The following RET variants were observed in gnomAD, a reference collection of about 807,000 sequenced individuals.
RET encodes the protein ret proto-oncogene, also known as proto-oncogene tyrosine-protein kinase receptor Ret.
Under a neutral mutation model 118.3 loss-of-function variants are expected in RET, and 19 were observed. The ratio of observed to expected loss-of-function variants is 0.16; its 90% CI spans 0.11 to 0.24. The LOEUF is 0.24. Ranked by LOEUF, RET falls within the 10% of genes least tolerant of loss-of-function variation. The pLI, the probability that RET is intolerant of heterozygous loss-of-function variation, is 1.00. For missense variants in RET, 1,219 were observed against 1,502.1 expected, an observed-to-expected ratio of 0.81 and a Z score of 3.12; for synonymous variants, 597 against 644.1, an observed-to-expected ratio of 0.93 and a Z score of 1.11.
At position 43,106,346 on chromosome 10, in the gene RET, G is replaced by A; in HGVS notation, c.868-30G>A. 3.1e-6 allele frequency: 5 copies of A among 1,602,574 alleles called. No individual in the cohort carries two copies. ...GGGGTCTGAGGGGCCCATCTCGCCT[G>A]CACTGACCAACGCCCTCTGCATCCT... On this transcript the variant is annotated intron_variant, in intron 4 of 19. Transcript: ENST00000355710. This position sits in a 1 kb window ranked among gnomAD's most constrained non-coding sequence, Gnocchi z 5.1.
chr10:43,126,353 GACA>G (rs1346408232), intron 18 of RET, among the ~76,000 whole-genome samples: 2 of 152,204 alleles, frequency 1.3e-5, no homozygotes, highest in Non-Finnish European at 1.5e-5. Context: ...AGACAGAATA[GACA>G]ACACCCAGGG....
chr10:43,093,228 G>T (rs750790408), intron 1 of RET, among the ~76,000 whole-genome samples: 18 of 152,060 alleles, frequency 1.2e-4, no homozygotes, highest in Non-Finnish European at 1.6e-4. Context: ...TCCACAGAGG[G>T]TGCCATGATT....
Position 43,111,242 on chromosome 10 carries a change from C to T in RET, c.1299C>T (p.Phe433=). 1 of 1,614,136 alleles carries T rather than the reference C, an allele frequency of 6.2e-7. No homozygotes were observed. The highest frequency in any genetic ancestry group is 8.5e-7 in the Non-Finnish European group (1 of 1,180,028). The change falls in exon 7 of 20, where the codon TTC becomes TTT. Residue 433 remains phenylalanine, a synonymous_variant. Transcript: ENST00000355710. ...TCTGTGTGGAAAACTGCCAGGCATT[C>T]AGTGGCATCAACGTCCAGTACAAGC... ...GKVCVENCQA[F]SGINVQYKLH...
chr10:43,114,531 TCTC>T lies in RET; in HGVS notation c.1934_1936del (p.Ser645del), dbSNP rs1416677590. Reference sequence around the variant, plus strand: ...ACGGTGATCGCAGCCGCTGTCCTCTTCTCCTTCATCGTCTCGGTGCTGCTGTCT... The same window carrying T: ...ACGGTGATCGCAGCCGCTGTCCTCTTCTTCATCGTCTCGGTGCTGCTGTCT... On this transcript the variant is annotated inframe_deletion, in exon 11 of 20. Transcript: ENST00000355710. The surrounding 1 kb of genome is among the most constrained non-coding windows in gnomAD (Gnocchi z 4.6). 1.1e-5 allele frequency: 18 copies of T among 1,609,076 alleles called. No homozygotes were observed. Among genetic ancestry groups the T allele is most frequent in the South Asian group, 9.9e-5 (9 of 90,996 alleles).
intron 3 of RET, 39 bp from the exon 4 acceptor site, chr10:43,104,913 C>CT: frequency 6.5e-7 from 1 of 1,543,578 alleles, no homozygotes; most frequent in Non-Finnish European, 8.7e-7. Context: ...CCGGTCCCGG[C>CT]TGGTGATCAC....
intron 1 of RET, among the ~76,000 whole-genome samples, chr10:43,096,350 G>A (rs886269328): frequency 1.3e-5 from 2 of 152,072 alleles, no homozygotes; most frequent in Non-Finnish European, 2.9e-5. Flanking sequence ...GCTGGCGCCT[G>A]GCTTCCACCA....
At chr10:43,122,312 C>A (rs560137569) in intron 16 of RET, among the ~76,000 whole-genome samples, 6 of 152,330 alleles carry the variant, frequency 3.9e-5, no homozygotes, top group Admixed American at 3.9e-4. Context: ...CCATGCCTCC[C>A]TCTGGGTCCC....
chr10:43,096,346 G>T (rs138282163), intron 1 of RET, among the ~76,000 whole-genome samples: 1 of 152,036 alleles, frequency 6.6e-6, no homozygotes, highest in Non-Finnish European at 1.5e-5. Flanking sequence ...ACCTGCTGGC[G>T]CCTGGCTTCC....
chr10:43,127,330 A>C, intron 19 of RET: 2 of 1,069,072 alleles, frequency 1.9e-6, no homozygotes, highest in Non-Finnish European at 2.3e-6. Context: ...TGCTGTTTTC[A>C]CATCCTTTCC....
intron 1 of RET, among the ~76,000 whole-genome samples, chr10:43,081,192 T>TC (rs80006296): frequency 7.0e-6 from 1 of 142,692 alleles, no homozygotes; most frequent in Non-Finnish European, 1.5e-5. Flanking sequence ...GCCCCCCCCA[T>TC]CCCCCCTTCC....
intron 12 of RET, among the ~76,000 whole-genome samples, 168 bp downstream of exon 12, chr10:43,116,899 C>T (rs1033540973): frequency 2.6e-5 from 4 of 152,260 alleles, no homozygotes; most frequent in Non-Finnish European, 4.4e-5. Flanking sequence ...AGAAGCAGAG[C>T]GAGGACTTTG....
chr10:43,099,559 A>T (rs534944663), intron 1 of RET, among the ~76,000 whole-genome samples: 13 of 151,522 alleles, frequency 8.6e-5, no homozygotes, highest in Non-Finnish European at 1.3e-4. Flanking sequence ...TAAATAAATA[A>T]AAATTACATA....
At chr10:43,107,862 A>G (rs1837820264) in intron 5 of RET, among the ~76,000 whole-genome samples, 1 of 152,140 alleles carries the variant, frequency 6.6e-6, no homozygotes, top group Non-Finnish European at 1.5e-5. Context: ...AGGGGCTTAC[A>G]GGTTAGAGGT....
chr10:43,119,792 C>A lies in RET; in HGVS notation c.2607+47C>A, dbSNP rs748495345. 5.7e-6 allele frequency: 9 copies of A among 1,582,750 alleles called. No homozygotes were observed. The South Asian group carries it at 1.0e-4, about 18-fold the overall frequency. ...CCCAGCCAGCCCCGGCCAGGCCACA[C>A]CCTGACCCACCACGCCCCTGCCACC... On this transcript the variant is annotated intron_variant, in intron 14 of 19. Coordinates refer to ENST00000355710, the MANE Select transcript of RET (RefSeq NM_020975.6).
At chr10:43,086,182 T>C (rs1837284763) in intron 1 of RET, among the ~76,000 whole-genome samples, 1 of 152,060 alleles carries the variant, frequency 6.6e-6, no homozygotes, top group Non-Finnish European at 1.5e-5. Context: ...CCTAAGCTAG[T>C]GCTGCCTCAT....
chr10:43,112,803 G>C (rs372349500), intron 8 of RET, 50 bp from the exon 9 acceptor site: 1 of 1,453,116 alleles, frequency 6.9e-7, no homozygotes, highest in South Asian at 1.2e-5. Flanking sequence ...TGGTGGGGGC[G>C]TGTGGCGGGG....
At chr10:43,084,291 G>C (rs1288422710) in intron 1 of RET, among the ~76,000 whole-genome samples, 1 of 152,226 alleles carries the variant, frequency 6.6e-6, no homozygotes, top group Non-Finnish European at 1.5e-5. Context: ...CCGCCAAACT[G>C]TTTTCCACAG....
chr10:43,122,006 C>A lies in RET; in HGVS notation c.2791C>A (p.Gln931Lys), dbSNP rs1175933358. The change falls in exon 16 of 20, where the codon CAA (glutamine) becomes AAA (lysine). Residue 931 changes from glutamine to lysine, a missense_variant. Around this residue, in one of 5 missense-constraint regions of RET, gnomAD observed 73 missense variants for 156.5 expected, o/e 0.47. Transcript: ENST00000355710. ...ESLFDHIYTT[Q>K]SDVWSFGVLL... The stretch of plus-strand genomic sequence containing the variant: ...CCTTTTTGATCATATCTACACCACG[C>A]AAAGTGATGTGTAAGTGTGGGTGTT... The A allele has an allele frequency of 1.2e-6, 2 of 1,612,994 alleles. No homozygotes were observed. Among genetic ancestry groups the A allele is most frequent in the African/African-American group, 1.3e-5 (1 of 75,028 alleles).
chr10:43,126,713 A>G lies in RET; in HGVS notation c.3178A>G (p.Lys1060Glu), dbSNP rs2133037738. ...RALPSTWIEN[K>E]LYGMSDPNWP... ...CCTCCCTTCCACATGGATTGAAAACAAACTCTATGGTAGAATTTCCCATGC... is the reference window on the plus strand; with the variant it reads ...CCTCCCTTCCACATGGATTGAAAACGAACTCTATGGTAGAATTTCCCATGC... Residue 1060 changes from lysine to glutamate, a missense_variant, in exon 19 of 20, where the codon AAA (lysine) becomes GAA (glutamate). By Grantham distance (56) the Lys-to-Glu change is moderately conservative. Coordinates refer to ENST00000355710, the MANE Select transcript of RET (RefSeq NM_020975.6). 2 of 1,613,948 alleles carry G rather than the reference A, an allele frequency of 1.2e-6. No homozygotes were observed. Among genetic ancestry groups the G allele is most frequent in the Non-Finnish European group, 1.7e-6 (2 of 1,179,976 alleles).
Sources: allele counts gnomAD v4.1 joint callset (sites outside exome capture counted in the v4.1 genomes callset), GRCh38; gene constraint gnomAD v4.1.1; regional missense constraint gnomAD v4.1.1; non-coding constraint Gnocchi (gnomAD v3.1); transcripts MANE v1.5; gene names NCBI Gene and HGNC (gene_info 2026-07-23, HGNC 2026-07-21).